PTPRM: variants seen among roughly 807,000 people sequenced by gnomAD.
PTPRM encodes protein tyrosine phosphatase receptor type M, also known as receptor-type tyrosine-protein phosphatase mu.
A neutral mutation model predicts 186.7 loss-of-function variants in PTPRM; 47 were observed. That is an observed-to-expected ratio of 0.25 (90% confidence interval 0.20 to 0.32). The LOEUF is 0.32. Ranked by LOEUF, PTPRM falls within the 10% of genes least tolerant of loss-of-function variation. PTPRM has a pLI of 1.00. For synonymous variants in PTPRM, 668 were observed against 674.9 expected (o/e 0.99, Z 0.16); for missense variants, 1,494 against 1,865.0 (o/e 0.80, Z 3.66).
At chr18:8,001,164 C>T (rs2083849726) in intron 7 of PTPRM, among the ~76,000 whole-genome samples, 1 of 152,190 alleles carries the variant, frequency 6.6e-6, no homozygotes, top group Non-Finnish European at 1.5e-5. Flanking sequence ...TGTACCACCT[C>T]TTGCTGTCTC....
chr18:7,948,130 T>TATAC (rs1221456386), intron 5 of PTPRM, among the ~76,000 whole-genome samples: 2 of 137,816 alleles, frequency 1.5e-5, no homozygotes, highest in Non-Finnish European at 3.1e-5. Context: ...GATTATAAAA[T>TATAC]ACACACACAC....
chr18:8,032,936 C>A (rs2086082852), intron 7 of PTPRM, among the ~76,000 whole-genome samples: 1 of 151,654 alleles, frequency 6.6e-6, no homozygotes, highest in African/African-American at 2.4e-5. Flanking sequence ...CTTGGAAGTA[C>A]TAAAAAAAAG....
At chr18:8,310,575 A>T (rs1446427197) in intron 20 of PTPRM, among the ~76,000 whole-genome samples, 1 of 150,614 alleles carries the variant, frequency 6.6e-6, no homozygotes, top group African/African-American at 2.5e-5. Context: ...TTCCATCTTC[A>T]TGGTTTGAGC....
chr18:7,656,094 TAA>T (rs2144331148), intron 1 of PTPRM, among the ~76,000 whole-genome samples: 1 of 152,226 alleles, frequency 6.6e-6, no homozygotes, highest in African/African-American at 2.4e-5. Context: ...CCAAAATAAT[TAA>T]AATCAAAGTC....
At chr18:8,055,268 C>T (rs1196993023) in intron 7 of PTPRM, among the ~76,000 whole-genome samples, 1 of 152,128 alleles carries the variant, frequency 6.6e-6, no homozygotes, top group African/African-American at 2.4e-5. Flanking sequence ...GACATAGATA[C>T]ACCCTCTAAT....
chr18:7,727,131 G>C (rs895458478), intron 1 of PTPRM, among the ~76,000 whole-genome samples: 31 of 152,106 alleles, frequency 2.0e-4, no homozygotes, highest in Admixed American at 7.9e-4. Context: ...TGACTTCCCT[G>C]TCACCAACAT....
chr18:8,243,978 T>C (rs1394889846), intron 14 of PTPRM, 80 bp from the exon 15 acceptor site: 1 of 1,350,164 alleles, frequency 7.4e-7, no homozygotes, highest in Non-Finnish European at 1.0e-6. Flanking sequence ...ATGTTATTCC[T>C]GAACATCTGT....
chr18:8,208,775 G>A (rs1010026401), intron 14 of PTPRM, among the ~76,000 whole-genome samples: 8 of 152,230 alleles, frequency 5.3e-5, no homozygotes, highest in Non-Finnish European at 1.0e-4. Flanking sequence ...GCCCCCCAAA[G>A]TGTTGGGATT....
chr18:8,158,871 C>T (rs1404972420), intron 14 of PTPRM, among the ~76,000 whole-genome samples: 1 of 152,098 alleles, frequency 6.6e-6, no homozygotes, highest in East Asian at 1.9e-4. Flanking sequence ...AGTAGGAACT[C>T]ACTCACCACC....
At chr18:7,903,349 C>T (rs538517012) in intron 3 of PTPRM, among the ~76,000 whole-genome samples, 1 of 152,240 alleles carries the variant, frequency 6.6e-6, no homozygotes. Context: ...GTAGTGGTAG[C>T]ATCAGCAGCC....
intron 2 of PTPRM, among the ~76,000 whole-genome samples, chr18:7,807,482 C>T (rs1013438044): frequency 6.6e-6 from 1 of 152,206 alleles, no homozygotes; most frequent in African/African-American, 2.4e-5. Flanking sequence ...ATTTATCCAA[C>T]CCCCACCACC....
At chr18:7,681,797 C>G (rs537744820) in intron 1 of PTPRM, among the ~76,000 whole-genome samples, 2 of 152,112 alleles carry the variant, frequency 1.3e-5, no homozygotes, top group Non-Finnish European at 2.9e-5. Flanking sequence ...GTGGTCTTCT[C>G]ATACCTATGG....
At chr18:7,857,687 G>A (rs2047159631) in intron 2 of PTPRM, among the ~76,000 whole-genome samples, 1 of 152,150 alleles carries the variant, frequency 6.6e-6, no homozygotes, top group South Asian at 2.1e-4. Flanking sequence ...CAGGGACTCA[G>A]TCAGTTTCTT....
intron 1 of PTPRM, among the ~76,000 whole-genome samples, chr18:7,673,082 G>T (rs1283687113): frequency 6.6e-6 from 1 of 152,210 alleles, no homozygotes; most frequent in East Asian, 1.9e-4. Context: ...ACACTTGAGT[G>T]TAAAATACTC....
At chr18:7,712,503 T>A (rs1409746860) in intron 1 of PTPRM, among the ~76,000 whole-genome samples, 1 of 151,910 alleles carries the variant, frequency 6.6e-6, no homozygotes, top group Non-Finnish European at 1.5e-5. Context: ...GGAACAAAAC[T>A]GGATGGAGAA....
intron 27 of PTPRM, 90 bp downstream of exon 27, chr18:8,378,504 C>CA: frequency 6.7e-7 from 1 of 1,491,600 alleles, no homozygotes; most frequent in East Asian, 2.3e-5. Context: ...CCTTGAATCA[C>CA]AAGGTTCCTT....
chr18:7,869,141 G>A (rs778655562), intron 2 of PTPRM, among the ~76,000 whole-genome samples: 4 of 152,200 alleles, frequency 2.6e-5, no homozygotes, highest in Non-Finnish European at 4.4e-5. Context: ...GCTCCGTGGA[G>A]GTGGGATCTG....
intron 3 of PTPRM, among the ~76,000 whole-genome samples, chr18:7,890,583 C>A (rs1286741342): frequency 3.3e-5 from 5 of 151,838 alleles, no homozygotes; most frequent in Non-Finnish European, 7.4e-5. Flanking sequence ...TTGTTAAGAT[C>A]TTTTTAGAGT....
At chr18:8,353,623 A>T (rs971613396) in intron 23 of PTPRM, among the ~76,000 whole-genome samples, 2 of 152,172 alleles carry the variant, frequency 1.3e-5, no homozygotes, top group African/African-American at 2.4e-5. Context: ...ATATTAACCA[A>T]GAATGGGTAT....
Sources: allele counts gnomAD v4.1 joint callset (sites outside exome capture counted in the v4.1 genomes callset), GRCh38; gene constraint gnomAD v4.1.1; transcripts MANE v1.5; gene names NCBI Gene and HGNC (gene_info 2026-07-23, HGNC 2026-07-21).